CDH18: variants seen among roughly 807,000 people sequenced by gnomAD.
CDH18 encodes cadherin 18.
CDH18 carries 31 observed loss-of-function variants against 67.9 expected under a neutral mutation model. The observed-to-expected ratio is 0.46, with a 90% CI of 0.34 to 0.62. The LOEUF (loss-of-function observed/expected upper bound fraction) is 0.62, where lower values mean the gene tolerates loss of function less well. CDH18 is among the 20% of genes least tolerant of loss of function. The pLI is 0.01. For missense variants in CDH18, 890 were observed against 975.5 expected (o/e 0.91, Z 1.17); for synonymous variants, 362 against 347.2 (o/e 1.04, Z -0.48).
At chr5:19,924,739 A>T (rs777696736) in intron 2 of CDH18, among the ~76,000 whole-genome samples, 20 of 152,220 alleles carry the variant, frequency 1.3e-4, no homozygotes, top group Non-Finnish European at 1.9e-4. Flanking sequence ...TGAAGTAGAC[A>T]GGTCATGTGA....
At chr5:20,391,295 A>G (rs557073470) in intron 1 of CDH18, among the ~76,000 whole-genome samples, 2 of 152,120 alleles carry the variant, frequency 1.3e-5, no homozygotes, top group Non-Finnish European at 2.9e-5. Flanking sequence ...TTAAATCATG[A>G]TGGGGTGGTT....
chr5:20,135,190 A>T (rs1749598636), intron 2 of CDH18, among the ~76,000 whole-genome samples: 1 of 151,992 alleles, frequency 6.6e-6, no homozygotes, highest in South Asian at 2.1e-4. Context: ...CTTCCTCTCC[A>T]CCCTGAAGTA....
At chr5:19,591,006 C>A in intron 7 of CDH18, 51 bp downstream of exon 7, 1 of 1,202,084 alleles carries the variant, frequency 8.3e-7, no homozygotes, top group South Asian at 1.7e-5. Flanking sequence ...AATTTCCATT[C>A]AGGAAAAGAT....
At chr5:19,735,939 T>C (rs1025487840) in intron 4 of CDH18, among the ~76,000 whole-genome samples, 5 of 152,214 alleles carry the variant, frequency 3.3e-5, no homozygotes, top group Admixed American at 1.3e-4. Context: ...ATGACAATTA[T>C]GTAAAAGATT....
In CDH18 at chr5:19,848,395, T is replaced by G. The variant is rs201270742; in HGVS notation, c.-256-9153A>C. Among the ~76,000 whole-genome samples, 6 of 152,240 alleles carry G rather than the reference T, an allele frequency of 3.9e-5. No individual in the cohort carries two copies. In the South Asian group the frequency reaches 1.0e-3, roughly 26 times the overall value. Reference sequence around the variant, plus strand: ...ATGATGAGAGGGTGCCACACTTTCCTATCAGCTTAGATTCAGTTAGTTTCA... The same window carrying G: ...ATGATGAGAGGGTGCCACACTTTCCGATCAGCTTAGATTCAGTTAGTTTCA... On this transcript the variant is annotated intron_variant, in intron 2 of 12. Transcript: ENST00000382275.
chr5:19,865,317 TCTTTCAACTTGAAAA>T (rs1371336985), intron 2 of CDH18, among the ~76,000 whole-genome samples: 1 of 152,262 alleles, frequency 6.6e-6, no homozygotes, highest in Non-Finnish European at 1.5e-5. Flanking sequence ...CCTTCCTTTC[TCTTTCAACTTGAAAA>T]GCTGCTTGAT....
At chr5:20,295,133 C>T (rs1747386664) in intron 1 of CDH18, among the ~76,000 whole-genome samples, 1 of 152,142 alleles carries the variant, frequency 6.6e-6, no homozygotes, top group South Asian at 2.1e-4. Context: ...CAGATATACA[C>T]TGAAATGTAC....
intron 3 of CDH18, among the ~76,000 whole-genome samples, chr5:19,786,907 A>G (rs1387072877): frequency 6.6e-6 from 1 of 152,126 alleles, no homozygotes; most frequent in East Asian, 1.9e-4. Flanking sequence ...AACTGCCTCC[A>G]CGTTGGCAGT....
rs146743448 is a variant in CDH18, at chr5:19,711,820, C to G, written c.643+9527G>C. Reference sequence around the variant, plus strand: ...TGATTCAGCAAACCCACTACTACTACTACCCAAAGAAAATGAAATCATTGT... The same window carrying G: ...TGATTCAGCAAACCCACTACTACTAGTACCCAAAGAAAATGAAATCATTGT... On this transcript the variant is annotated intron_variant, in intron 5 of 12. Coordinates refer to ENST00000382275, the MANE Select transcript of CDH18 (RefSeq NM_004934.5). 8.5e-5 allele frequency among the ~76,000 whole-genome samples: 13 copies of G among 152,074 alleles called. No homozygotes were observed. In the East Asian group the frequency reaches 2.5e-3, roughly 29 times the overall value.
At chr5:20,205,054 C>A (rs1218214367) in intron 2 of CDH18, among the ~76,000 whole-genome samples, 1 of 151,778 alleles carries the variant, frequency 6.6e-6, no homozygotes, top group Non-Finnish European at 1.5e-5. Context: ...CAATAACATG[C>A]CATTTATCAA....
At chr5:19,541,531 A>G (rs1750277944) in intron 9 of CDH18, among the ~76,000 whole-genome samples, 1 of 152,206 alleles carries the variant, frequency 6.6e-6, no homozygotes, top group African/African-American at 2.4e-5. Context: ...TGGGTAATTT[A>G]TAAAGGAAAA....
intron 3 of CDH18, among the ~76,000 whole-genome samples, chr5:19,821,387 T>A (rs1779854995): frequency 1.3e-5 from 2 of 149,158 alleles, no homozygotes. Flanking sequence ...ATCAACCCAG[T>A]TAACCAAAAA....
chr5:19,994,855 T>TATATAGAGAGAGAGAGAGAG lies in CDH18; in HGVS notation c.-517-2842_-517-2841insCTCTCTCTCTCTCTCTATAT, dbSNP rs760777430. Reference sequence around the variant, plus strand: ...ATATATATATATATATATATATATATAGAGAGAGAGAGAGAGAGAGAGATG... The same window carrying TATATAGAGAGAGAGAGAGAG: ...ATATATATATATATATATATATATATATATAGAGAGAGAGAGAGAGAGAGAGAGAGAGAGAGAGAGAGATG... On this transcript the variant is annotated intron_variant, in intron 2 of 14. Coordinates refer to the CDH18 transcript ENST00000507958. Among the ~76,000 whole-genome samples the TATATAGAGAGAGAGAGAGAG allele has an allele frequency of 5.8e-4, 39 of 67,582 alleles. 7 individuals carry two copies. The highest frequency in any genetic ancestry group is 2.8e-3 in the African/African-American group (38 of 13,596). 44.3% of individuals were successfully genotyped at this position (67,582 alleles called of 152,430 possible).
At chr5:20,239,395 G>A (rs955953437) in intron 2 of CDH18, among the ~76,000 whole-genome samples, 19 of 152,094 alleles carry the variant, frequency 1.2e-4, no homozygotes, top group African/African-American at 4.6e-4. Flanking sequence ...GGCAGAGGTC[G>A]CAGCAAGCCA....
intron 3 of CDH18, among the ~76,000 whole-genome samples, chr5:19,811,258 C>A (rs1778715850): frequency 1.3e-5 from 2 of 151,934 alleles, no homozygotes; most frequent in Admixed American, 1.3e-4. Context: ...TGTTAAAGCT[C>A]TGAACCCCAA....
chr5:19,607,628 A>C (rs1748268504), intron 6 of CDH18, among the ~76,000 whole-genome samples: 1 of 151,540 alleles, frequency 6.6e-6, no homozygotes, highest in African/African-American at 2.4e-5. Flanking sequence ...ATGAAACTAT[A>C]TCAGTAATTA....
At chr5:20,296,354 G>A (rs981927683) in intron 1 of CDH18, among the ~76,000 whole-genome samples, 1 of 151,324 alleles carries the variant, frequency 6.6e-6, no homozygotes, top group African/African-American at 2.4e-5. Context: ...CCGGGGTTCA[G>A]GCCATTCTCC....
chr5:20,336,730 A>C (rs1739801001), intron 1 of CDH18, among the ~76,000 whole-genome samples: 1 of 62,608 alleles, frequency 1.6e-5, no homozygotes, highest in Non-Finnish European at 3.9e-5. Context: ...GTCTCAAAAA[A>C]AAAAAAAAAA....
chr5:20,302,763 A>T (rs1490413903), intron 1 of CDH18, among the ~76,000 whole-genome samples: 4 of 152,242 alleles, frequency 2.6e-5, no homozygotes, highest in Admixed American at 2.6e-4. Flanking sequence ...CACACACGTG[A>T]GCCCTTGGGC....
Sources: allele counts gnomAD v4.1 joint callset (sites outside exome capture counted in the v4.1 genomes callset), GRCh38; gene constraint gnomAD v4.1.1; transcripts MANE v1.5; gene names NCBI Gene and HGNC (gene_info 2026-07-23, HGNC 2026-07-21).